ZNF423: variants seen among roughly 807,000 people sequenced by gnomAD.
ZNF423 encodes Ebf-associated zinc finger protein.
In ZNF423, 12 loss-of-function variants were observed where a neutral mutation model predicts 95.8. The ratio of observed to expected loss-of-function variants is 0.13; its 90% CI spans 0.08 to 0.20. The LOEUF (loss-of-function observed/expected upper bound fraction) is 0.20. ZNF423 is among the 10% of genes least tolerant of loss of function. ZNF423 has a pLI of 1.00. For synonymous variants in ZNF423, 749 were observed against 711.9 expected (o/e 1.05, Z -0.83); for missense variants, 1,316 against 1,737.1 (o/e 0.76, Z 4.31).
At chr16:49,560,458 TG>T (rs1328791231) in intron 5 of ZNF423, among the ~76,000 whole-genome samples, 1 of 152,188 alleles carries the variant, frequency 6.6e-6, no homozygotes, top group East Asian at 1.9e-4. Flanking sequence ...ATTTCAAGCT[TG>T]CCACAGTATG....
At chr16:49,767,746 A>T (rs2033955075) in intron 2 of ZNF423, among the ~76,000 whole-genome samples, 1 of 152,172 alleles carries the variant, frequency 6.6e-6, no homozygotes, top group Non-Finnish European at 1.5e-5. Flanking sequence ...ACAACATTCC[A>T]GCAGGCACCA....
chr16:49,665,222 A>C (rs1567276524), intron 3 of ZNF423, among the ~76,000 whole-genome samples: 1 of 152,232 alleles, frequency 6.6e-6, no homozygotes, highest in Admixed American at 6.5e-5. Context: ...GTAAATATAG[A>C]TGTCACCCAC....
At chr16:49,575,615 C>A (rs1970473008) in intron 5 of ZNF423, among the ~76,000 whole-genome samples, 1 of 152,202 alleles carries the variant, frequency 6.6e-6, no homozygotes, top group African/African-American at 2.4e-5. Flanking sequence ...CATCCCCAAG[C>A]TGTATGGCTA....
At chr16:49,684,069 T>TC (rs1419503458) in intron 3 of ZNF423, among the ~76,000 whole-genome samples, 1 of 152,032 alleles carries the variant, frequency 6.6e-6, no homozygotes, top group African/African-American at 2.4e-5. Context: ...AGATCTGGTC[T>TC]CAAAAAATTA....
At chr16:49,538,152 T>C (rs2151732704) in intron 5 of ZNF423, among the ~76,000 whole-genome samples, 1 of 152,134 alleles carries the variant, frequency 6.6e-6, no homozygotes, top group East Asian at 1.9e-4. Context: ...AGAGGGGGAC[T>C]GGGCAGGTAA....
chr16:49,553,556 A>C (rs1216348648), intron 5 of ZNF423, among the ~76,000 whole-genome samples: 3 of 152,104 alleles, frequency 2.0e-5, no homozygotes, highest in Admixed American at 2.0e-4. Context: ...TAGGTTGCCC[A>C]GGCTGGTCTC....
chr16:49,547,044 C>T (rs1969466812), intron 5 of ZNF423, among the ~76,000 whole-genome samples: 1 of 151,654 alleles, frequency 6.6e-6, no homozygotes, highest in Admixed American at 6.6e-5. Context: ...CCAGCTTTCC[C>T]ACACTTCCAA....
chr16:49,857,764 C>G (rs907105506), upstream of ZNF423: 4 of 152,258 alleles, frequency 2.6e-5, no homozygotes, highest in Non-Finnish European at 5.9e-5. This position sits in a 1 kb window ranked among gnomAD's most constrained non-coding sequence, Gnocchi z 6.2. Context: ...CAGGAGCACC[C>G]CCTCCCCGCG....
At chr16:49,607,423 T>C (rs990649783) in intron 5 of ZNF423, among the ~76,000 whole-genome samples, 6 of 152,198 alleles carry the variant, frequency 3.9e-5, no homozygotes, top group Admixed American at 1.3e-4. Flanking sequence ...ATGGGTTCTT[T>C]ACTGTGTATG....
intron 5 of ZNF423, among the ~76,000 whole-genome samples, chr16:49,564,370 G>A (rs1970116373): frequency 6.6e-6 from 1 of 152,248 alleles, no homozygotes; most frequent in South Asian, 2.1e-4. Flanking sequence ...GGCTAAGGAT[G>A]GGGGTGTGCT....
At chr16:49,731,068 C>T (rs2033155408) in intron 2 of ZNF423, 97 bp from the exon 3 acceptor site, 8 of 1,382,284 alleles carry the variant, frequency 5.8e-6, no homozygotes, top group East Asian at 4.6e-5. Flanking sequence ...CATTTAATTA[C>T]TCTACCTCCC....
rs138332694 is a variant in ZNF423, at chr16:49,817,581, T to C, written c.41-28035A>G. ...GTCCAGAGCCACACAGAACGCCTGATACCGCCTTAGCCTGATTGAGGACAG... is the reference window on the plus strand; with the variant it reads ...GTCCAGAGCCACACAGAACGCCTGACACCGCCTTAGCCTGATTGAGGACAG... On this transcript the variant is annotated intron_variant, in intron 1 of 7. Transcript: ENST00000563137. Among the ~76,000 whole-genome samples the C allele has an allele frequency of 6.0e-3, 909 of 152,274 alleles. 6 individuals are homozygous for C. The highest frequency in any genetic ancestry group is 0.021 in the African/African-American group (875 of 41,556).
In ZNF423 at chr16:49,787,376, C is replaced by T. The variant is rs192361108; in HGVS notation, c.100+2111G>A. Among the ~76,000 whole-genome samples the T allele has an allele frequency of 2.0e-5, 3 of 152,278 alleles. No individual in the cohort carries two copies. The East Asian group carries it at 5.8e-4, about 29-fold the overall frequency. On this transcript the variant is annotated intron_variant, in intron 2 of 7. Transcript: ENST00000563137. ...GCCTGGCTGTCTGGCTGTGGATTAT[C>T]CACTGCCAGGGATGCTCTGCCCTCC...
intron 3 of ZNF423, among the ~76,000 whole-genome samples, chr16:49,727,334 G>A (rs1488234965): frequency 5.9e-5 from 9 of 152,166 alleles, no homozygotes; most frequent in Non-Finnish European, 1.3e-4. Context: ...GCTCCAGGTT[G>A]GGGACGGGGG....
At chr16:49,846,315 A>AG (rs1013058336) in intron 1 of ZNF423, among the ~76,000 whole-genome samples, 3 of 151,218 alleles carry the variant, frequency 2.0e-5, no homozygotes, top group African/African-American at 7.3e-5. Context: ...AAAAAAAAAA[A>AG]AAAAAAGGCA....
chr16:49,747,824 A>AGATT (rs1489465818), intron 2 of ZNF423, among the ~76,000 whole-genome samples: 8 of 152,380 alleles, frequency 5.3e-5, no homozygotes, highest in African/African-American at 1.9e-4. Context: ...AGAATCTGTG[A>AGATT]CGCAAGAGAT....
At chr16:49,698,183 C>CTTGT (rs994427653) in intron 3 of ZNF423, among the ~76,000 whole-genome samples, 1 of 152,172 alleles carries the variant, frequency 6.6e-6, no homozygotes, top group Non-Finnish European at 1.5e-5. Context: ...CTTTTTCTGA[C>CTTGT]TTGTTTGTTT....
Position 49,520,154 on chromosome 16 carries a change from CT to C in ZNF423, c.3849+3469del, listed in dbSNP as rs1968333585. ...GCAGACCCCGTGGGTATTTCTTCAT[CT>C]TTTCACCACTGTCTTCTCAGGTGCT... On this transcript the variant is annotated intron_variant, in intron 7 of 7. Transcript: ENST00000563137. Among the ~76,000 whole-genome samples the C allele has an allele frequency of 2.0e-5, 3 of 152,184 alleles. No homozygotes were observed. In the South Asian group the frequency reaches 6.2e-4, roughly 32 times the overall value.
intron 5 of ZNF423, among the ~76,000 whole-genome samples, chr16:49,553,438 C>T (rs1474999620): frequency 1.3e-5 from 2 of 151,930 alleles, no homozygotes; most frequent in African/African-American, 4.8e-5. Context: ...CTTTGAAATC[C>T]TGGGTTCAAG....
Sources: gnomAD v4.1 joint callset for allele counts (sites outside exome capture counted in the v4.1 genomes callset) on GRCh38, gnomAD v4.1.1 for gene constraint, Gnocchi (gnomAD v3.1) non-coding constraint, MANE v1.5 for transcripts, NCBI Gene and HGNC (gene_info 2026-07-23, HGNC 2026-07-21) for gene names.